The following COL18A1 variants were observed in gnomAD, a reference collection of about 807,000 sequenced individuals.
The protein encoded by COL18A1 is collagen type XVIII alpha 1 chain.
In COL18A1, 133 loss-of-function variants were observed where a neutral mutation model predicts 168.0. The ratio of observed to expected loss-of-function variants is 0.79; its 90% confidence interval spans 0.69 to 0.91. The LOEUF (loss-of-function observed/expected upper bound fraction) is 0.91. Among genes scored for constraint, COL18A1 ranks in the 40% least tolerant of loss-of-function variants. The pLI, the probability that COL18A1 is intolerant of heterozygous loss-of-function variation, is 0.00. For missense variants in COL18A1, 2,126 were observed against 1,925.4 expected (o/e 1.10, Z -1.95); for synonymous variants, 949 against 809.0 (o/e 1.17, Z -2.94).
rs974031776 is a variant in COL18A1, at chr21:45,439,124, C to T, written c.107-29118C>T. ...ACCCTTATGTGTCTGTTAAAAACTA[C>T]ACTTAACGTTTTTTAATTCGAGAAA... is the stretch of plus-strand genomic sequence containing the variant. On this transcript the variant is annotated intron_variant, in intron 2 of 41. Transcript: ENST00000651438. 7.2e-5 allele frequency among the ~76,000 whole-genome samples: 11 copies of T among 152,270 alleles called. 1 individual carries two copies. The highest frequency in any genetic ancestry group is 2.6e-4 in the Admixed American group (4 of 15,292).
At chr21:45,435,090 TC>T (rs1168927517) in intron 2 of COL18A1, among the ~76,000 whole-genome samples, 1 of 151,818 alleles carries the variant, frequency 6.6e-6, no homozygotes, top group Non-Finnish European at 1.5e-5. Context: ...GCAGCCCTGG[TC>T]CCCATTCTTC....
chr21:45,417,332 T>C (rs2033476336), intron 2 of COL18A1, among the ~76,000 whole-genome samples: 1 of 152,224 alleles, frequency 6.6e-6, no homozygotes, highest in African/African-American at 2.4e-5. Context: ...TTCTGGCGCT[T>C]GCTTCTCTGT....
chr21:45,506,754 C>T (rs2037228262), intron 37 of COL18A1: 1 of 27,906 alleles, frequency 3.6e-5, no homozygotes, highest in African/African-American at 2.3e-4. Context: ...TAGAGCCCTC[C>T]CACCTTCCCT....
At chr21:45,453,017 G>T (rs1350954523) in intron 2 of COL18A1, among the ~76,000 whole-genome samples, 1 of 151,864 alleles carries the variant, frequency 6.6e-6, no homozygotes, top group Non-Finnish European at 1.5e-5. Context: ...GTATGTGTGT[G>T]ATTGCGAGTA....
At chr21:45,481,459 C>T (rs763234211) in intron 13 of COL18A1, among the ~76,000 whole-genome samples, 3 of 152,202 alleles carry the variant, frequency 2.0e-5, no homozygotes, top group Admixed American at 6.5e-5. Flanking sequence ...CATGCCATGA[C>T]GTGCAGGGCA....
chr21:45,495,744 ATG>A, intron 29 of COL18A1: 1 of 395,096 alleles, frequency 2.5e-6, no homozygotes, highest in Non-Finnish European at 4.9e-6. Flanking sequence ...ACACGTGCTC[ATG>A]TGTGTACACA....
At chr21:45,415,487 A>AG (rs1427100829) in intron 2 of COL18A1, among the ~76,000 whole-genome samples, 1 of 152,184 alleles carries the variant, frequency 6.6e-6, no homozygotes. Flanking sequence ...GTGGGGCAGG[A>AG]GGAGGGGCAG....
intron 2 of COL18A1, among the ~76,000 whole-genome samples, chr21:45,409,390 C>T (rs1016198952): frequency 1.3e-5 from 2 of 152,188 alleles, no homozygotes; most frequent in Non-Finnish European, 2.9e-5. Flanking sequence ...TACTGTGGCC[C>T]ATGAAGATCC....
At chr21:45,405,945 T>C (rs2033092142) in intron 2 of COL18A1, among the ~76,000 whole-genome samples, 1 of 151,478 alleles carries the variant, frequency 6.6e-6, no homozygotes, top group Non-Finnish European at 1.5e-5. Context: ...CTTGTGCGCC[T>C]CTGTCCCCGC....
Position 45,473,714 on chromosome 21 carries a change from T to C in COL18A1, c.652-181T>C, listed in dbSNP as rs535076840. Among the ~76,000 whole-genome samples the C allele has an allele frequency of 1.2e-4, 18 of 152,154 alleles. No homozygotes were observed. Among genetic ancestry groups the C allele is most frequent in the Admixed American group, 5.9e-4 (9 of 15,298 alleles). On this transcript the variant is annotated intron_variant, in intron 3 of 41. Coordinates refer to ENST00000651438, the MANE Select transcript of COL18A1 (RefSeq NM_001379500.1). This position sits in a 1 kb window ranked among gnomAD's most constrained non-coding sequence, Gnocchi z 4.0. ...TGAAAGCGCCCAGGACGCCCCTGGG[T>C]CTCACCACTTCTTCCTACCATGAGG...
Position 45,468,738 on chromosome 21 carries a change from C to G in COL18A1, c.603C>G (p.Ala201=). The G allele has an allele frequency of 6.2e-7, 1 of 1,603,028 alleles. No homozygotes were observed. Among genetic ancestry groups the G allele is most frequent in the Non-Finnish European group, 8.5e-7 (1 of 1,175,838 alleles). The change falls in exon 3 of 42, where the codon GCC becomes GCG. Residue 201 remains alanine, a synonymous_variant. Transcript: ENST00000651438. ...SSRGLELEPG[A]GLFVAQAGGA... ...GGGGCCTGGAGCTGGAGCCTGGCGCCGGGCTCTTCGTGGCTCAGGCGGGGG... is the reference window on the plus strand; with the variant it reads ...GGGGCCTGGAGCTGGAGCCTGGCGCGGGGCTCTTCGTGGCTCAGGCGGGGG...
intron 29 of COL18A1, chr21:45,495,995 T>G: frequency 5.8e-6 from 2 of 345,014 alleles, no homozygotes; most frequent in Non-Finnish European, 1.1e-5. Context: ...TACACATATA[T>G]GCACACATGT....
Position 45,504,458 on chromosome 21 carries a change from A to AG in COL18A1, c.2776dup (p.Glu926GlyfsTer161), listed in dbSNP as rs747526674. 1.2e-6 allele frequency: 2 copies of AG among 1,611,116 alleles called. No homozygotes were observed. The highest frequency in any genetic ancestry group is 2.2e-5 in the East Asian group (1 of 44,856). Reference sequence around the variant, plus strand: ...AGGTGATGCAGGACAGAAAGGCGAAAGGGGGGAGCCCGGGGGCGGCGGTTT... The same window carrying AG: ...AGGTGATGCAGGACAGAAAGGCGAAAGGGGGGGAGCCCGGGGGCGGCGGTTT... On this transcript the variant is annotated frameshift_variant, in exon 34 of 42. Transcript: ENST00000651438. LOFTEE classifies it high-confidence loss of function.
chr21:45,447,718 G>A (rs766165725), intron 2 of COL18A1, among the ~76,000 whole-genome samples: 2 of 152,160 alleles, frequency 1.3e-5, no homozygotes, highest in Non-Finnish European at 2.9e-5. Context: ...GGGACCTCTT[G>A]GCTCTCGAAC....
chr21:45,510,366 T>C (rs746331987), intron 40 of COL18A1, 105 bp downstream of exon 40: 63 of 1,280,092 alleles, frequency 4.9e-5, no homozygotes, highest in Middle Eastern at 2.0e-4. Flanking sequence ...GAGGCCACCA[T>C]GTTACAGACA....
intron 30 of COL18A1, 134 bp from the exon 31 acceptor site, chr21:45,496,916 C>T (rs1030599852): frequency 5.7e-5 from 41 of 717,088 alleles, no homozygotes; most frequent in Non-Finnish European, 8.1e-5. Flanking sequence ...TGTTCCCTCC[C>T]GTCTCTGACT....
chr21:45,487,046 A>G lies in COL18A1; in HGVS notation c.1833+54A>G, dbSNP rs3818662. The G allele has an allele frequency of 0.31, 443,927 of 1,454,400 alleles. 68,528 individuals carry two copies. The highest frequency in any genetic ancestry group is 0.38 in the African/African-American group (26,561 of 69,774). The allele number at this position is 1,454,400 out of a possible 1,614,324, so 90.1% of individuals were successfully genotyped here. ...GAGAGCCGGGGGCTGCCGTTGCCCCAGCCCTACTACCCCTGGCATCTCACT... is the reference window on the plus strand; with the variant it reads ...GAGAGCCGGGGGCTGCCGTTGCCCCGGCCCTACTACCCCTGGCATCTCACT... On this transcript the variant is annotated intron_variant, in intron 16 of 41. Transcript: ENST00000651438.
At chr21:45,504,734 G>GCACTGACC (rs1164992719) in intron 34 of COL18A1, among the ~76,000 whole-genome samples, 178 bp downstream of exon 34, 1 of 152,004 alleles carries the variant, frequency 6.6e-6, no homozygotes, top group Non-Finnish European at 1.5e-5. Context: ...GGGTGTGGGT[G>GCACTGACC]CACTGACCCC....
At chr21:45,454,966 G>T (rs2034745395) in intron 2 of COL18A1, among the ~76,000 whole-genome samples, 1 of 152,348 alleles carries the variant, frequency 6.6e-6, no homozygotes, top group Non-Finnish European at 1.5e-5. Context: ...CTCTGAGAGG[G>T]TCTGAGCCCC....
Sources: gnomAD v4.1 joint callset for allele counts (sites outside exome capture counted in the v4.1 genomes callset) on GRCh38, gnomAD v4.1.1 for gene constraint, Gnocchi (gnomAD v3.1) non-coding constraint, MANE v1.5 for transcripts, NCBI Gene and HGNC (gene_info 2026-07-23, HGNC 2026-07-21) for gene names.